Variants in PLCH2 observed in about 807,000 individuals in gnomAD.
PLCH2 encodes the protein phospholipase C eta 2, also known as 1-phosphatidylinositol 4,5-bisphosphate phosphodiesterase eta-2.
A neutral mutation model predicts 134.7 loss-of-function variants in PLCH2; 98 were observed. The ratio of observed to expected loss-of-function variants is 0.73; its 90% CI spans 0.62 to 0.86. PLCH2 has a LOEUF of 0.86. Among genes scored for constraint, PLCH2 ranks in the 40% least tolerant of loss-of-function variants. The pLI is 0.00. For synonymous variants in PLCH2, 974 were observed against 827.5 expected (o/e 1.18, Z -3.04); for missense variants, 1,994 against 1,986.6 (o/e 1.00, Z -0.07).
At position 2,504,716 on chromosome 1, in the gene PLCH2, G is replaced by A. The variant is rs370487693; in HGVS notation, c.3754G>A (p.Ala1252Thr). ...LVGVQDCPVA[A>T]KSKSLGDLTA... ...GGGCGTGCAGGACTGCCCCGTGGCT[G>A]CCAAGTCCAAGAGCCTGGGCGACCT... Residue 1252 changes from alanine to threonine, a missense_variant, in exon 22 of 22, where the codon GCC (alanine) becomes ACC (threonine). Around this residue, in one of 2 missense-constraint regions of PLCH2, gnomAD observed 900 missense variants for 752.3 expected, o/e 1.20. Transcript: ENST00000378486. 8 of 1,612,462 alleles carry A rather than the reference G, an allele frequency of 5.0e-6. No individual in the cohort carries two copies. Among genetic ancestry groups the A allele is most frequent in the Non-Finnish European group, 6.8e-6 (8 of 1,179,814 alleles).
chr1:2,433,155 G>T (rs1277854347), intron 2 of PLCH2, among the ~76,000 whole-genome samples: 1 of 152,212 alleles, frequency 6.6e-6, no homozygotes, highest in Non-Finnish European at 1.5e-5. Context: ...GGTAAATGGG[G>T]GTCCTCCTTC....
chr1:2,483,761 GTTT>G (rs1642103918), intron 4 of PLCH2, among the ~76,000 whole-genome samples: 3 of 109,858 alleles, frequency 2.7e-5, no homozygotes, highest in Admixed American at 9.4e-5. Context: ...GTTGACCCCC[GTTT>G]GGGGGGGCGC....
chr1:2,489,518 G>A (rs1642453240), intron 9 of PLCH2, 140 bp downstream of exon 9: 2 of 870,994 alleles, frequency 2.3e-6, no homozygotes, highest in Admixed American at 2.5e-5. Flanking sequence ...CTCCTGACCT[G>A]GCCTCCATCT....
chr1:2,433,148 A>C (rs1346510907), intron 2 of PLCH2, among the ~76,000 whole-genome samples: 1 of 152,204 alleles, frequency 6.6e-6, no homozygotes, highest in Non-Finnish European at 1.5e-5. Context: ...CAGCAAAGGT[A>C]AATGGGGGTC....
upstream of PLCH2, among the ~76,000 whole-genome samples, chr1:2,424,817 C>G (rs568564066): frequency 1.1e-3 from 174 of 152,276 alleles, 1 homozygote; most frequent in Non-Finnish European, 2.1e-3. Context: ...GAAACCCTGT[C>G]TCTACTAAAA....
At chr1:2,456,673 G>C (rs536447713) in intron 2 of PLCH2, among the ~76,000 whole-genome samples, 1 of 152,276 alleles carries the variant, frequency 6.6e-6, no homozygotes, top group Admixed American at 6.5e-5. Flanking sequence ...TGTAACTTGA[G>C]GGAGCCGCCC....
intron 2 of PLCH2, among the ~76,000 whole-genome samples, chr1:2,447,275 A>C (rs1489160689): frequency 6.6e-6 from 1 of 152,036 alleles, no homozygotes; most frequent in African/African-American, 2.4e-5. Context: ...GGGGAGGCCC[A>C]TTTGCTCACC....
intron 2 of PLCH2, among the ~76,000 whole-genome samples, chr1:2,451,369 G>A (rs1640216361): frequency 6.6e-6 from 1 of 152,246 alleles, no homozygotes; most frequent in African/African-American, 2.4e-5. Context: ...GTGACAGGCA[G>A]AGATTGTCGC....
intron 5 of PLCH2, among the ~76,000 whole-genome samples, chr1:2,486,496 G>C (rs1642292865): frequency 6.6e-6 from 1 of 152,236 alleles, no homozygotes; most frequent in Non-Finnish European, 1.5e-5. Context: ...GGGAGGGTTA[G>C]TGTGTGACGG....
chr1:2,459,417 C>T lies in PLCH2; in HGVS notation c.116-19059C>T, dbSNP rs1474611144. 1.4e-3 allele frequency among the ~76,000 whole-genome samples: 82 copies of T among 56,712 alleles called. 2 individuals carry two copies. The highest frequency in any genetic ancestry group is 2.2e-3 in the African/African-American group (28 of 12,772). 37.2% of individuals were successfully genotyped at this position (56,712 alleles called of 152,430 possible). A position where few individuals can be genotyped will look rare whatever the true frequency, so the allele number is the denominator to read the frequency against. On this transcript the variant is annotated intron_variant, in intron 2 of 3. Coordinates refer to the PLCH2 transcript ENST00000609981. ...CCTGGTGGTTCTCCTTCCTGGTGGT[C>T]CTCCTTGCCGGTGGTCCTCCTTGCC... is the stretch of plus-strand genomic sequence containing the variant.
At chr1:2,465,880 G>A (rs2985849), upstream of PLCH2, among the ~76,000 whole-genome samples, 70,458 of 151,892 alleles carry the variant, frequency 0.46, 17,253 homozygotes, top group East Asian at 0.59. Context: ...TGGCTGGGTC[G>A]GGACCTGCAG....
At chr1:2,457,899 A>G (rs1247934998) in intron 2 of PLCH2, among the ~76,000 whole-genome samples, 3 of 147,688 alleles carry the variant, frequency 2.0e-5, no homozygotes, top group East Asian at 2.0e-4. Flanking sequence ...AAAAAAAAGC[A>G]TTTGCCAGCA....
chr1:2,421,996 C>T (rs1242100586), upstream of PLCH2, among the ~76,000 whole-genome samples: 4 of 151,654 alleles, frequency 2.6e-5, no homozygotes, highest in African/African-American at 4.8e-5. Flanking sequence ...AAAGGCCAGG[C>T]GCAGTGGCTC....
chr1:2,435,636 C>T (rs575920044), intron 2 of PLCH2, among the ~76,000 whole-genome samples: 3 of 152,052 alleles, frequency 2.0e-5, no homozygotes, highest in African/African-American at 2.4e-5. Flanking sequence ...CAGCGTGACA[C>T]GGCTCTCAGA....
intron 21 of PLCH2, chr1:2,502,713 C>T (rs569862047): frequency 9.8e-6 from 7 of 714,032 alleles, no homozygotes; most frequent in South Asian, 5.9e-5. Context: ...GGTCCTGGGG[C>T]CTGGAGGCAG....
chr1:2,420,007 A>G, the PLCH2 span, among the ~76,000 whole-genome samples: 3 of 51,756 alleles, frequency 5.8e-5, no homozygotes, highest in East Asian at 1.1e-3. Flanking sequence ...TCCCCCCACT[A>G]CCCCCTCCTG....
At chr1:2,420,954 C>CT in the PLCH2 span, among the ~76,000 whole-genome samples, 917 of 139,508 alleles carry the variant, frequency 6.6e-3, 20 homozygotes, top group East Asian at 0.02. Context: ...TCCCTTCACA[C>CT]TTTTTTTTTT....
chr1:2,441,088 TG>T (rs1344693224), intron 2 of PLCH2, among the ~76,000 whole-genome samples: 1 of 151,338 alleles, frequency 6.6e-6, no homozygotes, highest in Non-Finnish European at 1.5e-5. Context: ...GTGGAGGGGG[TG>T]GGTTCCCATC....
chr1:2,476,956 G>A lies in PLCH2; in HGVS notation c.124+244G>A, dbSNP rs1286300853. Among the ~76,000 whole-genome samples, 4 of 152,326 alleles carry A rather than the reference G, an allele frequency of 2.6e-5. No homozygotes were observed. The South Asian group carries it at 6.2e-4, about 24-fold the overall frequency. On this transcript the variant is annotated intron_variant, in intron 1 of 21. Coordinates refer to ENST00000378486, the MANE Select transcript of PLCH2 (RefSeq NM_014638.4). ...TCCCAGGCACCTGCAGGGCCTGGGG[G>A]CTGAACCCAAGGGGGCGAGGGGGGA...
Sources: allele counts gnomAD v4.1 joint callset (sites outside exome capture counted in the v4.1 genomes callset), GRCh38; gene constraint gnomAD v4.1.1; regional missense constraint gnomAD v4.1.1; transcripts MANE v1.5; gene names NCBI Gene and HGNC (gene_info 2026-07-23, HGNC 2026-07-21).